TOPBP1: variants seen among roughly 807,000 people sequenced by gnomAD.
TOPBP1 encodes the protein DNA topoisomerase 2-binding protein 1.
In TOPBP1, 28 loss-of-function variants were observed where a neutral mutation model predicts 167.7. That is an observed-to-expected ratio of 0.17 (90% confidence interval 0.12 to 0.23). TOPBP1 has a LOEUF of 0.23. TOPBP1 is among the 10% of genes least tolerant of loss of function. The probability of loss-of-function intolerance (pLI) is 1.00; values close to 1 mark genes in which losing one functional copy is unlikely to be tolerated. For synonymous variants in TOPBP1, 598 were observed against 611.4 expected, an observed-to-expected ratio of 0.98 and a Z score of 0.32; for missense variants, 1,554 against 1,809.6, an observed-to-expected ratio of 0.86 and a Z score of 2.56.
chr3:133,648,993 T>C (rs1414725329), intron 10 of TOPBP1, among the ~76,000 whole-genome samples: 1 of 152,168 alleles, frequency 6.6e-6, no homozygotes, highest in Non-Finnish European at 1.5e-5. Flanking sequence ...ACTGGCAATT[T>C]ACCTTACTAC....
At chr3:133,610,883 T>A in intron 25 of TOPBP1, 121 bp downstream of exon 25, 1 of 1,123,064 alleles carries the variant, frequency 8.9e-7, no homozygotes, top group Non-Finnish European at 1.2e-6. Context: ...CCATCAAAAA[T>A]TTGGGGAAAA....
At chr3:133,607,429 T>C (rs934526313) in intron 27 of TOPBP1, among the ~76,000 whole-genome samples, 6 of 152,040 alleles carry the variant, frequency 3.9e-5, no homozygotes, top group African/African-American at 1.4e-4. Flanking sequence ...CCTGGGTAAA[T>C]AGGACAGAAT....
In TOPBP1 at chr3:133,661,113, G is replaced by C; in HGVS notation, c.15C>G (p.Asp5Glu). ...AAAACTTCACAAAAAACGGTTCTTT[G>C]TCATTTCTGGACATTTCTGAACTGT... The part of the protein sequence containing the change: MSRN[D>E]KEPFFVKFLK... The change falls in exon 2 of 28, where the codon GAC (aspartate) becomes GAG (glutamate). Residue 5 changes from aspartate (D) to glutamate (E), a missense_variant. Transcript: ENST00000260810. 6.3e-7 allele frequency: 1 copy of C among 1,595,938 alleles called. No homozygotes were observed. The highest frequency in any genetic ancestry group is 8.5e-7 in the Non-Finnish European group (1 of 1,172,938).
Position 133,649,605 on chromosome 3 carries a change from G to A in TOPBP1, c.1282C>T (p.Leu428=). The A allele has an allele frequency of 6.2e-7, 1 of 1,613,684 alleles. No individual in the cohort carries two copies. The highest frequency in any genetic ancestry group is 1.1e-5 in the South Asian group (1 of 91,076). The change falls in exon 10 of 28, where the codon CTA becomes TTA. Residue 428 remains leucine, a synonymous_variant. Transcript: ENST00000260810. ...ATATAACCTTTACTGAAACACTCTA[G>A]CAACCACTTTGCTCCCACTACATGA... ...RPHVVGAKWL[L]ECFSKGYMLS...
Position 133,649,661 on chromosome 3 carries a change from T to C in TOPBP1, c.1254-28A>G, listed in dbSNP as rs79411184. 3,393 of 1,608,338 alleles carry C rather than the reference T, an allele frequency of 2.1e-3. 4 individuals carry two copies. The highest frequency in any genetic ancestry group is 2.6e-3 in the Non-Finnish European group (3,092 of 1,176,994). ...ACAAAAATAGCACATAGTTATGTAT[T>C]AGTGCAAGCTATAAAGACCATCATC... On this transcript the variant is annotated intron_variant, in intron 9 of 27. Coordinates refer to ENST00000260810, the MANE Select transcript of TOPBP1 (RefSeq NM_007027.4).
At chr3:133,655,583 G>C in intron 5 of TOPBP1, 97 bp from the exon 6 acceptor site, 2 of 658,872 alleles carry the variant, frequency 3.0e-6, no homozygotes, top group South Asian at 9.9e-5. Context: ...TCATTTTTTA[G>C]GATTTATAAT....
At chr3:133,630,781 G>A (rs924439774) in intron 14 of TOPBP1, among the ~76,000 whole-genome samples, 6 of 152,070 alleles carry the variant, frequency 3.9e-5, no homozygotes, top group African/African-American at 7.2e-5. Flanking sequence ...AAATTCATAC[G>A]AATCTTCTAT....
intron 7 of TOPBP1, among the ~76,000 whole-genome samples, chr3:133,652,887 C>CT (rs1292195570): frequency 1.3e-5 from 2 of 152,120 alleles, no homozygotes; most frequent in Non-Finnish European, 2.9e-5. Flanking sequence ...TCTGAAGTTG[C>CT]TGACTTTAAG....
chr3:133,619,070 T>C (rs1273438540), intron 20 of TOPBP1, among the ~76,000 whole-genome samples: 1 of 144,846 alleles, frequency 6.9e-6, no homozygotes, highest in Non-Finnish European at 1.5e-5. Context: ...CATTCATTCT[T>C]AGTAAAAATA....
At chr3:133,636,103 T>C (rs1935661491) in intron 14 of TOPBP1, among the ~76,000 whole-genome samples, 1 of 152,130 alleles carries the variant, frequency 6.6e-6, no homozygotes, top group Non-Finnish European at 1.5e-5. Context: ...GGAGTATACT[T>C]TAGGGAGGAA....
intron 14 of TOPBP1, among the ~76,000 whole-genome samples, chr3:133,629,245 C>A: frequency 6.6e-6 from 1 of 152,188 alleles, no homozygotes; most frequent in Admixed American, 6.5e-5. Context: ...CTACTGTTGT[C>A]CAAATGGCTT....
At chr3:133,622,304 C>T (rs1935120233) in intron 19 of TOPBP1, among the ~76,000 whole-genome samples, 1 of 150,766 alleles carries the variant, frequency 6.6e-6, no homozygotes. Flanking sequence ...GATTCTCCTG[C>T]CTCAGCCTCC....
At position 133,612,362 on chromosome 3, in the gene TOPBP1, T is replaced by G. The variant is rs538956861; in HGVS notation, c.4035+27A>C. On this transcript the variant is annotated intron_variant, in intron 24 of 27. Coordinates refer to ENST00000260810, the MANE Select transcript of TOPBP1 (RefSeq NM_007027.4). ...GTGGACACTTGCTTTTAAAGAAAAA[T>G]AAACTTCCACAAATCTGAATACACA... The G allele has an allele frequency of 2.2e-5, 36 of 1,610,598 alleles. No individual in the cohort carries two copies. The African/African-American group carries it at 3.9e-4, about 17-fold the overall frequency.
chr3:133,621,400 T>C (rs532313843), intron 19 of TOPBP1, among the ~76,000 whole-genome samples: 51 of 152,160 alleles, frequency 3.4e-4, no homozygotes, highest in African/African-American at 1.1e-3. Flanking sequence ...CAACCAAGTA[T>C]GGATCAGAAA....
At position 133,620,198 on chromosome 3, in the gene TOPBP1, G is replaced by C; in HGVS notation, c.3328C>G (p.Arg1110Gly). The C allele has an allele frequency of 6.2e-7, 1 of 1,613,868 alleles. No homozygotes were observed. The highest frequency in any genetic ancestry group is 1.1e-5 in the South Asian group (1 of 91,078). Residue 1110 changes from arginine to glycine, a missense_variant, in exon 20 of 28, where the codon CGC (arginine) becomes GGC (glycine). Physicochemically the swap from Arg to Gly is moderately radical, Grantham distance 125. Coordinates refer to ENST00000260810, the MANE Select transcript of TOPBP1 (RefSeq NM_007027.4). ...NSASSTPDST[R>G]SARSGRSRVL... ...CTACTTCGTCCACTGCGAGCAGAGC[G>C]AGTGCTGTCAGGGGTTGAAGATGCG... is the stretch of plus-strand genomic sequence containing the variant.
chr3:133,655,245 C>T (rs1936440542), intron 6 of TOPBP1, 45 bp downstream of exon 6: 6 of 1,176,990 alleles, frequency 5.1e-6, no homozygotes, highest in Non-Finnish European at 6.7e-6. Context: ...ATATTAAATA[C>T]TAGAGAAAAT....
chr3:133,618,491 AT>A, intron 20 of TOPBP1, 58 bp from the exon 21 acceptor site: 1 of 1,540,628 alleles, frequency 6.5e-7, no homozygotes, highest in Non-Finnish European at 8.9e-7. Flanking sequence ...AACTCATTAA[AT>A]CCATAAGTTA....
chr3:133,609,067 T>C, intron 25 of TOPBP1, 105 bp from the exon 26 acceptor site: 3 of 930,582 alleles, frequency 3.2e-6, no homozygotes, highest in Non-Finnish European at 4.8e-6. Flanking sequence ...ATAAATCTTA[T>C]AAACTTTACT....
chr3:133,632,580 A>G (rs1010676493), intron 14 of TOPBP1, among the ~76,000 whole-genome samples: 10 of 152,158 alleles, frequency 6.6e-5, no homozygotes, highest in African/African-American at 2.4e-4. Context: ...AAAGCATTTT[A>G]GAGGATTCCT....
Sources: allele counts gnomAD v4.1 joint callset (sites outside exome capture counted in the v4.1 genomes callset), GRCh38; gene constraint gnomAD v4.1.1; transcripts MANE v1.5; gene names NCBI Gene and HGNC (gene_info 2026-07-23, HGNC 2026-07-21).